Variants in NXNL2 observed in about 807,000 individuals in gnomAD.
NXNL2 encodes nucleoredoxin like 2, also known as nucleoredoxin-like protein 2.
A neutral mutation model predicts 11.1 loss-of-function variants in NXNL2; 7 were observed. The observed-to-expected ratio is 0.63, with a 90% confidence interval of 0.36 to 1.18. NXNL2 has a LOEUF of 1.18. Among genes scored for constraint, NXNL2 ranks in the 50% most tolerant of loss-of-function variants. The pLI is 0.02. For missense variants in NXNL2, 233 were observed against 217.7 expected (o/e 1.07, Z -0.44); for synonymous variants, 109 against 101.8 (o/e 1.07, Z -0.42).
intron 1 of NXNL2, among the ~76,000 whole-genome samples, chr9:88,559,719 A>G (rs569714442): frequency 5.3e-5 from 8 of 152,286 alleles, no homozygotes; most frequent in African/African-American, 1.7e-4. Flanking sequence ...ACTTCAGAAC[A>G]ATCACGACCA....
chr9:88,544,122 G>C (rs1829812919), intron 1 of NXNL2, among the ~76,000 whole-genome samples: 1 of 152,204 alleles, frequency 6.6e-6, no homozygotes. Flanking sequence ...AGTGAGCCGA[G>C]ATCGCGCCAT....
intron 1 of NXNL2, among the ~76,000 whole-genome samples, chr9:88,567,733 C>A (rs930811315): frequency 2.0e-5 from 3 of 152,138 alleles, no homozygotes; most frequent in Non-Finnish European, 4.4e-5. Context: ...ATATGTAAGG[C>A]ACTAATCTCT....
intron 1 of NXNL2, among the ~76,000 whole-genome samples, chr9:88,560,758 C>T (rs1830075852): frequency 6.6e-6 from 1 of 152,030 alleles, no homozygotes; most frequent in Admixed American, 6.6e-5. Context: ...AAAAGAAAGA[C>T]AATTTAGGAA....
At chr9:88,583,474 C>T (rs1026315892) in intron 1 of NXNL2, among the ~76,000 whole-genome samples, 2 of 152,146 alleles carry the variant, frequency 1.3e-5, no homozygotes, top group African/African-American at 4.8e-5. Context: ...TCCATCACCC[C>T]GCTGGTCTCT....
At chr9:88,563,153 G>T (rs7049021) in intron 1 of NXNL2, among the ~76,000 whole-genome samples, 5,005 of 152,284 alleles carry the variant, frequency 0.033, 296 homozygotes, top group African/African-American at 0.11. Context: ...GGGGTCAGAA[G>T]ACAGAGATAG....
intron 1 of NXNL2, among the ~76,000 whole-genome samples, chr9:88,583,585 C>T (rs1054754509): frequency 6.6e-5 from 10 of 152,186 alleles, no homozygotes; most frequent in African/African-American, 1.7e-4. Context: ...TGAGATTGTG[C>T]TGCTCTGATG....
intron 1 of NXNL2, among the ~76,000 whole-genome samples, chr9:88,554,680 T>C (rs1829987467): frequency 6.6e-6 from 1 of 152,224 alleles, no homozygotes; most frequent in African/African-American, 2.4e-5. Flanking sequence ...TGCAGAGCCC[T>C]GGATATAACA....
intron 1 of NXNL2, among the ~76,000 whole-genome samples, chr9:88,555,356 T>C (rs1294475324): frequency 6.6e-6 from 1 of 152,196 alleles, no homozygotes; most frequent in Non-Finnish European, 1.5e-5. Context: ...CCTCCTCTTT[T>C]TGGACCATAT....
At chr9:88,578,722 C>T (rs147172043), downstream of NXNL2, among the ~76,000 whole-genome samples, 706 of 152,320 alleles carry the variant, frequency 4.6e-3, 11 homozygotes, top group African/African-American at 0.016. Context: ...GCGCTCAGCC[C>T]CATCTCCTGA....
At chr9:88,539,445 G>A (rs1032608329) in intron 1 of NXNL2, among the ~76,000 whole-genome samples, 1 of 152,150 alleles carries the variant, frequency 6.6e-6, no homozygotes, top group African/African-American at 2.4e-5. Flanking sequence ...TGGGGAAGAG[G>A]TTCCAGGTTC....
downstream of NXNL2, among the ~76,000 whole-genome samples, chr9:88,578,688 A>G (rs965380092): frequency 2.6e-5 from 4 of 152,324 alleles, no homozygotes; most frequent in East Asian, 1.9e-4. Context: ...GCTAGGCAGC[A>G]GGCTCCGACC....
chr9:88,559,600 C>T (rs1830060937), intron 1 of NXNL2, among the ~76,000 whole-genome samples: 1 of 152,194 alleles, frequency 6.6e-6, no homozygotes, highest in South Asian at 2.1e-4. Flanking sequence ...CCTAGGTGGC[C>T]AGCTACTGCA....
intron 1 of NXNL2, among the ~76,000 whole-genome samples, chr9:88,564,293 CTATCT>C (rs1830135579): frequency 7.8e-6 from 1 of 128,084 alleles, no homozygotes; most frequent in African/African-American, 3.4e-5. Context: ...TATTATCTAT[CTATCT>C]ATCTATCTAT....
At chr9:88,566,983 T>TCTATCTATCTATCTAC (rs1347750692) in intron 1 of NXNL2, among the ~76,000 whole-genome samples, 39 of 147,406 alleles carry the variant, frequency 2.6e-4, no homozygotes, top group African/African-American at 1.0e-3. Context: ...CATCTATCTA[T>TCTATCTATCTATCTAC]CTATCTATCT....
chr9:88,543,406 A>G (rs1317387330), intron 1 of NXNL2, among the ~76,000 whole-genome samples: 2 of 152,058 alleles, frequency 1.3e-5, no homozygotes, highest in East Asian at 1.9e-4. Flanking sequence ...AGCTGGGACT[A>G]TAGGTGCATG....
At chr9:88,563,932 C>T (rs981084091) in intron 1 of NXNL2, among the ~76,000 whole-genome samples, 2 of 151,870 alleles carry the variant, frequency 1.3e-5, no homozygotes, top group African/African-American at 2.4e-5. Flanking sequence ...TTCTCTGGGC[C>T]GGGCGCGGTG....
At chr9:88,581,596 G>A (rs1006731272) in intron 1 of NXNL2, among the ~76,000 whole-genome samples, 6 of 152,080 alleles carry the variant, frequency 3.9e-5, no homozygotes, top group Non-Finnish European at 8.8e-5. Flanking sequence ...ACAGGCATGC[G>A]CCTGCATGTG....
rs1829599021 is a variant in NXNL2, at chr9:88,535,716, C to T, written c.282C>T (p.Pro94=). 3.8e-6 allele frequency: 6 copies of T among 1,585,698 alleles called. No individual in the cohort carries two copies. Among genetic ancestry groups the T allele is most frequent in the African/African-American group, 1.3e-5 (1 of 74,380 alleles). ...RELHGAWLAL[P]FHDPYRHELR... Reference sequence around the variant, plus strand: ...TGCATGGCGCCTGGCTGGCGCTGCCCTTCCACGACCCCTACCGGCAGTGAG... The same window carrying T: ...TGCATGGCGCCTGGCTGGCGCTGCCTTTCCACGACCCCTACCGGCAGTGAG... Residue 94 remains proline (P), a synonymous_variant, in exon 1 of 2, where the codon CCC becomes CCT. Coordinates refer to ENST00000375854, the MANE Select transcript of NXNL2 (RefSeq NM_001161625.2).
At position 88,544,501 on chromosome 9, in the gene NXNL2, A is replaced by G; in HGVS notation, c.425A>G (p.Gln142Arg). Residue 142 changes from glutamine (Q) to arginine (R), a missense_variant, in exon 2 of 2, where the codon CAG becomes CGG. Coordinates refer to ENST00000375854, the MANE Select transcript of NXNL2 (RefSeq NM_001161625.2). ...QIRERGLACFQDWVEAADIFQ... is the reference protein window; with the variant it reads ...QIRERGLACFRDWVEAADIFQ... ...CGGGAACGGGGGTTGGCCTGCTTCC[A>G]GGACTGGGTGGAGGCGGCCGATATC... 1 of 1,551,100 alleles carries G rather than the reference A, an allele frequency of 6.4e-7. No individual in the cohort carries two copies. The highest frequency in any genetic ancestry group is 8.7e-7 in the Non-Finnish European group (1 of 1,146,686).
Sources: gnomAD v4.1 joint callset for allele counts (sites outside exome capture counted in the v4.1 genomes callset) on GRCh38, gnomAD v4.1.1 for gene constraint, MANE v1.5 for transcripts, NCBI Gene and HGNC (gene_info 2026-07-23, HGNC 2026-07-21) for gene names.